PRORP: variants seen among roughly 807,000 people sequenced by gnomAD.
PRORP encodes the protein mitochondrial ribonuclease P catalytic subunit.
PRORP carries 51 observed loss-of-function variants against 59.4 expected under a neutral mutation model. The observed-to-expected ratio is 0.86, with a 90% CI of 0.69 to 1.08. PRORP has a LOEUF of 1.08. PRORP is among the 50% of genes least tolerant of loss of function. The probability of loss-of-function intolerance (pLI) is 0.00; values close to 1 mark genes in which losing one functional copy is unlikely to be tolerated. For missense variants in PRORP, 646 were observed against 690.3 expected, an observed-to-expected ratio of 0.94 and a Z score of 0.72; for synonymous variants, 231 against 245.6, an observed-to-expected ratio of 0.94 and a Z score of 0.55.
In PRORP at chr14:35,180,755, C is replaced by A. The variant is rs200805783; in HGVS notation, c.1253C>A (p.Pro418His). Reference protein sequence around the residue: ...IDGLNVAKMFPKVRESQLLLN... With the variant: ...IDGLNVAKMFHKVRESQLLLN... Reference sequence around the variant, plus strand: ...GGTCTCAATGTTGCCAAAATGTTTCCTAAAGTTCGTGAATCTCAACTTGTA... The same window carrying A: ...GGTCTCAATGTTGCCAAAATGTTTCATAAAGTTCGTGAATCTCAACTTGTA... Residue 418 changes from proline (P) to histidine (H), a missense_variant, in exon 5 of 8, where the codon CCT (proline) becomes CAT (histidine). Physicochemically the swap from Pro to His is moderately conservative, Grantham distance 77. Coordinates refer to ENST00000534898, the MANE Select transcript of PRORP (RefSeq NM_014672.4). 8.7e-6 allele frequency: 14 copies of A among 1,609,656 alleles called. No homozygotes were observed. The highest frequency in any genetic ancestry group is 1.2e-5 in the Non-Finnish European group (14 of 1,176,796).
intron 4 of PRORP, among the ~76,000 whole-genome samples, chr14:35,132,389 C>T (rs550240428): frequency 2.0e-5 from 3 of 151,708 alleles, no homozygotes; most frequent in African/African-American, 2.4e-5. Context: ...ACCTGGGAGC[C>T]GGAGGTTGCG....
intron 5 of PRORP, among the ~76,000 whole-genome samples, chr14:35,243,122 C>T (rs2138553047): frequency 6.6e-6 from 1 of 152,288 alleles, no homozygotes; most frequent in South Asian, 2.1e-4. Flanking sequence ...ATGTACACTC[C>T]AGCTGAGAAA....
chr14:35,216,062 C>G (rs1457741800), intron 5 of PRORP, among the ~76,000 whole-genome samples: 1 of 97,382 alleles, frequency 1.0e-5, no homozygotes, highest in Admixed American at 1.2e-4. Flanking sequence ...CCACCGCACC[C>G]AACCGTAAGA....
intron 4 of PRORP, among the ~76,000 whole-genome samples, chr14:35,177,171 G>A (rs942452781): frequency 2.7e-5 from 4 of 147,886 alleles, no homozygotes; most frequent in South Asian, 2.2e-4. Flanking sequence ...TTTTTCCATC[G>A]ATGTTCATCT....
At chr14:35,170,358 T>C (rs2048284154) in intron 4 of PRORP, among the ~76,000 whole-genome samples, 1 of 152,184 alleles carries the variant, frequency 6.6e-6, no homozygotes, top group African/African-American at 2.4e-5. Flanking sequence ...ATATAATTCA[T>C]CTATTGGCTT....
At chr14:35,242,044 G>A (rs999969605) in intron 5 of PRORP, among the ~76,000 whole-genome samples, 9 of 152,250 alleles carry the variant, frequency 5.9e-5, no homozygotes, top group Non-Finnish European at 1.0e-4. Context: ...AGTACCTGGA[G>A]CAGAAAAGGT....
At chr14:35,156,951 TTTC>T (rs2047929191) in intron 4 of PRORP, among the ~76,000 whole-genome samples, 1 of 59,620 alleles carries the variant, frequency 1.7e-5, no homozygotes, top group Non-Finnish European at 3.0e-5. Context: ...TTTTTTCTTT[TTTC>T]TTTTCTTTTT....
intron 5 of PRORP, among the ~76,000 whole-genome samples, chr14:35,209,037 T>G (rs777341990): frequency 1.3e-4 from 19 of 150,334 alleles, no homozygotes; most frequent in Non-Finnish European, 2.7e-4. Context: ...TCTCAAAAAA[T>G]AAAAATAAAA....
chr14:35,268,225 G>A (rs531032278), intron 6 of PRORP, among the ~76,000 whole-genome samples: 1 of 151,612 alleles, frequency 6.6e-6, no homozygotes, highest in African/African-American at 2.4e-5. Flanking sequence ...ACGCCTTGTA[G>A]TCCCAGGTAC....
intron 7 of PRORP, among the ~76,000 whole-genome samples, chr14:35,272,217 C>G (rs899479720): frequency 5.9e-5 from 9 of 152,196 alleles, no homozygotes; most frequent in African/African-American, 2.2e-4. Context: ...TAAGGTAATG[C>G]TCATGTTAAT....
rs546361020 is a variant in PRORP at position 35,273,581 on chromosome 14, A to G, written c.*15A>G. ...AAAAGACATAGAGATTCTTACCTCT[A>G]TGCTAAGTTTGTGTTTGGGTACCCT... is the stretch of plus-strand genomic sequence containing the variant. On this transcript the variant is annotated 3_prime_UTR_variant, in exon 8 of 8. Coordinates refer to ENST00000534898, the MANE Select transcript of PRORP (RefSeq NM_014672.4). 2.1e-5 allele frequency: 33 copies of G among 1,608,840 alleles called. No individual in the cohort carries two copies. The highest frequency in any genetic ancestry group is 3.3e-5 in the South Asian group (3 of 90,026).
chr14:35,198,321 A>G (rs1045257262), intron 5 of PRORP, among the ~76,000 whole-genome samples: 5 of 152,236 alleles, frequency 3.3e-5, no homozygotes, highest in Non-Finnish European at 5.9e-5. Flanking sequence ...CACTCTGAGT[A>G]CTATTCACAA....
chr14:35,159,106 C>A, intron 4 of PRORP: 1 of 192,192 alleles, frequency 5.2e-6, no homozygotes, highest in South Asian at 8.5e-5. Context: ...CACTCCAGGT[C>A]ATTCTTTTCA....
At chr14:35,239,258 T>C (rs541329062) in intron 5 of PRORP, among the ~76,000 whole-genome samples, 4 of 150,596 alleles carry the variant, frequency 2.7e-5, no homozygotes, top group African/African-American at 9.8e-5. Flanking sequence ...CTTGGGAGGC[T>C]GAGGCAGGAA....
chr14:35,230,585 G>A (rs2050052067), intron 5 of PRORP, among the ~76,000 whole-genome samples: 1 of 152,132 alleles, frequency 6.6e-6, no homozygotes, highest in Admixed American at 6.6e-5. Context: ...ACTGTGCTGG[G>A]TAGGTATCCT....
upstream of PRORP, chr14:35,122,165 G>GA (rs1044537233): frequency 1.9e-5 from 11 of 576,230 alleles, no homozygotes; most frequent in South Asian, 8.3e-5. Context: ...CTGACTGGGG[G>GA]AAAAAACTAT....
intron 5 of PRORP, among the ~76,000 whole-genome samples, chr14:35,190,994 C>T (rs2048869107): frequency 1.3e-5 from 2 of 152,008 alleles, no homozygotes; most frequent in African/African-American, 4.8e-5. Flanking sequence ...TCATGGATTT[C>T]TTTTTATGAA....
At chr14:35,222,555 G>C (rs2049815172) in intron 5 of PRORP, 1 of 152,162 alleles carries the variant, frequency 6.6e-6, no homozygotes, top group Non-Finnish European at 1.5e-5. Flanking sequence ...AAGTTAGCAT[G>C]TCCCAGTTTT....
At chr14:35,177,348 A>T (rs9743524) in intron 4 of PRORP, among the ~76,000 whole-genome samples, 1 of 152,056 alleles carries the variant, frequency 6.6e-6, no homozygotes, top group Non-Finnish European at 1.5e-5. Flanking sequence ...CTCTGGTAGA[A>T]TTTGGCTGTG....
Sources: allele counts gnomAD v4.1 joint callset (sites outside exome capture counted in the v4.1 genomes callset), GRCh38; gene constraint gnomAD v4.1.1; transcripts MANE v1.5; gene names NCBI Gene and HGNC (gene_info 2026-07-23, HGNC 2026-07-21).